Variants in MAGI1 observed in about 807,000 individuals in gnomAD.
MAGI1 encodes the protein membrane associated guanylate kinase, WW and PDZ domain containing 1.
A neutral mutation model predicts 139.9 loss-of-function variants in MAGI1; 58 were observed. The ratio of observed to expected loss-of-function variants is 0.41; its 90% CI spans 0.34 to 0.52. The LOEUF is 0.52. MAGI1 is among the 20% of genes least tolerant of loss of function. The pLI, the probability that MAGI1 is intolerant of heterozygous loss-of-function variation, is 0.12. For synonymous variants in MAGI1, 812 were observed against 737.9 expected, an observed-to-expected ratio of 1.10 and a Z score of -1.63; for missense variants, 1,874 against 1,901.6, an observed-to-expected ratio of 0.99 and a Z score of 0.27.
intron 1 of MAGI1, among the ~76,000 whole-genome samples, chr3:65,940,306 G>A (rs932446732): frequency 7.9e-5 from 12 of 152,192 alleles, no homozygotes; most frequent in African/African-American, 2.2e-4. Flanking sequence ...TTGCTATAAC[G>A]AAATATCATA....
At chr3:65,841,059 T>C (rs904088929) in intron 1 of MAGI1, among the ~76,000 whole-genome samples, 7 of 152,218 alleles carry the variant, frequency 4.6e-5, no homozygotes, top group Non-Finnish European at 8.8e-5. Flanking sequence ...GAAATTGATA[T>C]GCGCAGAGTT....
At chr3:65,438,636 T>C (rs78457531) in intron 9 of MAGI1, among the ~76,000 whole-genome samples, 3,352 of 152,226 alleles carry the variant, frequency 0.022, 141 homozygotes, top group African/African-American at 0.077. Flanking sequence ...AGGGCAGTGG[T>C]TGGCAAACTA....
chr3:65,365,148 C>A (rs763033101), intron 18 of MAGI1: 1 of 742,320 alleles, frequency 1.3e-6, no homozygotes, highest in South Asian at 1.4e-5. Flanking sequence ...TGTATGTCCC[C>A]ATGACCCTCC....
At chr3:65,962,343 G>T (rs2064480435) in intron 1 of MAGI1, among the ~76,000 whole-genome samples, 1 of 150,818 alleles carries the variant, frequency 6.6e-6, no homozygotes, top group Admixed American at 6.6e-5. Context: ...GGATGGTCTT[G>T]ATCTCCTGAT....
intron 1 of MAGI1, among the ~76,000 whole-genome samples, chr3:65,624,314 G>A (rs1034210024): frequency 6.6e-5 from 10 of 151,788 alleles, no homozygotes; most frequent in East Asian, 1.9e-4. Context: ...AAAAAATCTC[G>A]TAGATGAATC....
intron 1 of MAGI1, among the ~76,000 whole-genome samples, chr3:65,758,871 A>C (rs2036771642): frequency 6.6e-6 from 1 of 152,098 alleles, no homozygotes; most frequent in African/African-American, 2.4e-5. Context: ...AAACACCTCC[A>C]AGAATTCTGA....
rs757903743 is a variant in MAGI1, at chr3:65,363,648, A to G, written c.3352-40T>C. On this transcript the variant is annotated intron_variant, in intron 20 of 22. Transcript: ENST00000402939. ...TAAATGCAATCATTCTAGGAGAACT[A>G]ATATCCATAGGACTCTTCCTAAACA... 37 of 1,582,844 alleles carry G rather than the reference A, an allele frequency of 2.3e-5. No homozygotes were observed. The Admixed American group carries it at 6.3e-4, about 27-fold the overall frequency.
chr3:65,546,558 G>T (rs1169505251), intron 2 of MAGI1, among the ~76,000 whole-genome samples: 7 of 152,154 alleles, frequency 4.6e-5, no homozygotes, highest in Non-Finnish European at 8.8e-5. Context: ...CTCATTCAAT[G>T]ACTTAGTTTT....
intron 2 of MAGI1, among the ~76,000 whole-genome samples, chr3:65,510,449 A>C (rs1394244267): frequency 6.7e-6 from 1 of 148,178 alleles, no homozygotes; most frequent in Non-Finnish European, 1.5e-5. Flanking sequence ...CAATACAGAG[A>C]AGTGCTTAAA....
At chr3:65,879,477 T>A (rs1254832356) in intron 1 of MAGI1, among the ~76,000 whole-genome samples, 1 of 152,130 alleles carries the variant, frequency 6.6e-6, no homozygotes, top group Non-Finnish European at 1.5e-5. Flanking sequence ...TTGGAATAAA[T>A]GTTACCTAGG....
chr3:65,560,924 A>G (rs2080316335), intron 2 of MAGI1, among the ~76,000 whole-genome samples: 1 of 152,238 alleles, frequency 6.6e-6, no homozygotes, highest in South Asian at 2.1e-4. Context: ...AGCACAAACG[A>G]AGCCCACTTT....
At chr3:65,740,095 CT>C (rs1315164885) in intron 1 of MAGI1, among the ~76,000 whole-genome samples, 1 of 152,196 alleles carries the variant, frequency 6.6e-6, no homozygotes, top group Admixed American at 6.5e-5. Flanking sequence ...TCTGAAGCCT[CT>C]GATAGGAATG....
chr3:65,405,074 G>A (rs1032070452), intron 12 of MAGI1, among the ~76,000 whole-genome samples: 9 of 152,198 alleles, frequency 5.9e-5, no homozygotes, highest in Non-Finnish European at 8.8e-5. Flanking sequence ...GGCAGCATCC[G>A]CTCTTAGGGC....
Position 65,873,056 on chromosome 3 carries a change from C to G in MAGI1, c.313+164940G>C, listed in dbSNP as rs2059992901. On this transcript the variant is annotated intron_variant, in intron 1 of 22. Transcript: ENST00000402939. ...ATTAACACACTTTATGTATTCCAGACTTCAATTCTAAAAAAAGAACAAAGG... is the reference window on the plus strand; with the variant it reads ...ATTAACACACTTTATGTATTCCAGAGTTCAATTCTAAAAAAAGAACAAAGG... 4 of 152,266 alleles carry G rather than the reference C, an allele frequency of 2.6e-5. No individual in the cohort carries two copies. In the South Asian group the frequency reaches 8.3e-4, roughly 32 times the overall value. 9.4% of individuals were successfully genotyped at this position (152,266 alleles called of 1,614,324 possible). A position where few individuals can be genotyped will look rare whatever the true frequency, so the allele number is the denominator to read the frequency against.
At chr3:65,494,698 G>T (rs955350337) in intron 2 of MAGI1, among the ~76,000 whole-genome samples, 1 of 152,190 alleles carries the variant, frequency 6.6e-6, no homozygotes, top group East Asian at 1.9e-4. Flanking sequence ...GAAATGTAAT[G>T]CAATTAAATA....
At chr3:65,674,148 T>C (rs1228968804) in intron 1 of MAGI1, among the ~76,000 whole-genome samples, 2 of 152,186 alleles carry the variant, frequency 1.3e-5, no homozygotes, top group Non-Finnish European at 2.9e-5. Context: ...CAACAGGAGA[T>C]GACATTAAAG....
At chr3:65,865,133 T>C (rs752947766) in intron 1 of MAGI1, among the ~76,000 whole-genome samples, 1 of 152,230 alleles carries the variant, frequency 6.6e-6, no homozygotes, top group Non-Finnish European at 1.5e-5. Flanking sequence ...AGGGTCTATA[T>C]AACATACGAT....
At chr3:65,996,306 T>C (rs953759788) in intron 1 of MAGI1, among the ~76,000 whole-genome samples, 1 of 152,172 alleles carries the variant, frequency 6.6e-6, no homozygotes, top group Non-Finnish European at 1.5e-5. Flanking sequence ...CTCTCAATAA[T>C]TGCCAGCTAC....
At chr3:65,782,613 CAAAAAAAAAAA>C (rs56367932) in intron 1 of MAGI1, among the ~76,000 whole-genome samples, 14 of 60,570 alleles carry the variant, frequency 2.3e-4, no homozygotes, top group East Asian at 1.2e-3. Context: ...ATTTCTTAAG[CAAAAAAAAAAA>C]AAAAAAAAAA....
Sources: gnomAD v4.1 joint callset for allele counts (sites outside exome capture counted in the v4.1 genomes callset) on GRCh38, gnomAD v4.1.1 for gene constraint, MANE v1.5 for transcripts, NCBI Gene and HGNC (gene_info 2026-07-23, HGNC 2026-07-21) for gene names.